JSRP1: variants seen among roughly 807,000 people sequenced by gnomAD.
The protein encoded by JSRP1 is 2310032K21Rik.
In JSRP1, 29 loss-of-function variants were observed where a neutral mutation model predicts 21.4. That is an observed-to-expected ratio of 1.36 (90% CI 1.01 to 1.85). The LOEUF is 1.85. Ranked by LOEUF, JSRP1 falls within the 40% of genes most tolerant of loss-of-function variation. The pLI is 0.00. For synonymous variants in JSRP1, 221 were observed against 206.1 expected (o/e 1.07, Z -0.62); for missense variants, 531 against 461.5 (o/e 1.15, Z -1.38).
At chr19:2,253,066 C>G in intron 5 of JSRP1, 63 bp from the exon 6 acceptor site, 1 of 1,161,522 alleles carries the variant, frequency 8.6e-7, no homozygotes, top group Non-Finnish European at 1.3e-6. Context: ...CTGTCCATCC[C>G]TCCCTCACCC....
Position 2,252,746 on chromosome 19 carries a change from G to C in JSRP1, c.579C>G (p.Ala193=). Reference sequence around the variant, plus strand: ...GAATCTTGGGTCTGACCTCTGCCTCGGCCCGGGGCGCAGGCGGCGCTGATG... The same window carrying C: ...GAATCTTGGGTCTGACCTCTGCCTCCGCCCGGGGCGCAGGCGGCGCTGATG... The part of the protein sequence containing the change: ...APPSAPPAPR[A]EAEVRPKIPG... Residue 193 remains alanine (A), a synonymous_variant, in exon 7 of 7, where the codon GCC becomes GCG. Transcript: ENST00000300961. The C allele has an allele frequency of 6.2e-7, 1 of 1,612,522 alleles. No homozygotes were observed.
rs530846883 is a variant in JSRP1, at chr19:2,254,285, T to A, written c.164A>T (p.Glu55Val). The change falls in exon 4 of 7, where the codon GAA becomes GTA. Residue 55 changes from glutamate to valine, a missense_variant. Glu to Val is a moderately radical substitution (Grantham distance 121). Transcript: ENST00000300961. ...GSVPHDSQVA[E>V]GPSVDTRPKK... ...GGGCCTGGTGTCCACACTGGGGCCT[T>A]CAGCCACCTGAGAGTCCTGTGGTTA... is the stretch of plus-strand genomic sequence containing the variant. 6.2e-7 allele frequency: 1 copy of A among 1,600,936 alleles called. No homozygotes were observed. The highest frequency in any genetic ancestry group is 1.7e-5 in the Admixed American group (1 of 58,770).
Position 2,252,737 on chromosome 19 carries a change from C to T in JSRP1, c.588G>A (p.Glu196=). 1 of 1,612,652 alleles carries T rather than the reference C, an allele frequency of 6.2e-7. No homozygotes were observed. Among genetic ancestry groups the T allele is most frequent in the Middle Eastern group, 1.7e-4 (1 of 6,054 alleles). The change falls in exon 7 of 7, where the codon GAG becomes GAA. Residue 196 remains glutamate (E), a synonymous_variant. Transcript: ENST00000300961. The part of the protein sequence containing the change: ...SAPPAPRAEA[E]VRPKIPGSRE... Reference sequence around the variant, plus strand: ...GACTCCCGGGAATCTTGGGTCTGACCTCTGCCTCGGCCCGGGGCGCAGGCG... The same window carrying T: ...GACTCCCGGGAATCTTGGGTCTGACTTCTGCCTCGGCCCGGGGCGCAGGCG...
chr19:2,255,660 G>T (rs79256406), intron 1 of JSRP1, among the ~76,000 whole-genome samples: 130 of 152,338 alleles, frequency 8.5e-4, no homozygotes, highest in Admixed American at 2.2e-3. Context: ...AGTCCCAGAC[G>T]CACCCCAAAC....
At position 2,252,973 on chromosome 19, in the gene JSRP1, G is replaced by T; in HGVS notation, c.467C>A (p.Ala156Glu). The change falls in exon 6 of 7, where the codon GCA becomes GAA. Residue 156 changes from alanine to glutamate, a missense_variant. Ala to Glu is a moderately radical substitution (Grantham distance 107, BLOSUM62 -1). Transcript: ENST00000300961. Reference sequence around the variant, plus strand: ...CGGGACCCAGGGCTCGGGCACACGTGCTTGGAGTGCTGCCTCCCCAGGGAC... The same window carrying T: ...CGGGACCCAGGGCTCGGGCACACGTTCTTGGAGTGCTGCCTCCCCAGGGAC... ...DAVPGEAALQ[A>E]RVPEPWVPPS... 1.2e-6 allele frequency: 2 copies of T among 1,607,768 alleles called. No individual in the cohort carries two copies. Among genetic ancestry groups the T allele is most frequent in the Non-Finnish European group, 1.7e-6 (2 of 1,177,674 alleles).
At chr19:2,254,116 A>C in intron 4 of JSRP1, 71 bp downstream of exon 4, 1 of 1,215,654 alleles carries the variant, frequency 8.2e-7, no homozygotes, top group Non-Finnish European at 1.2e-6. Flanking sequence ...CCAAGGACCC[A>C]GCTCCGGCAC....
chr19:2,253,534 C>T, intron 5 of JSRP1, 86 bp downstream of exon 5: 6 of 1,308,640 alleles, frequency 4.6e-6, no homozygotes, highest in South Asian at 1.8e-5. Context: ...CCAGACCCCA[C>T]CCTGGCGGCA....
chr19:2,252,301 G>A lies in JSRP1; in HGVS notation c.*28C>T. On this transcript the variant is annotated 3_prime_UTR_variant, in exon 7 of 7. Coordinates refer to ENST00000300961, the MANE Select transcript of JSRP1 (RefSeq NM_144616.4). ...CCAGAGTCGCGGGGCGTCCAGAAGG[G>A]GCCCCTGGACTCCGGCGCGGGGCCG... 3.5e-6 allele frequency: 5 copies of A among 1,433,078 alleles called. No individual in the cohort carries two copies. The highest frequency in any genetic ancestry group is 1.5e-5 in the South Asian group (1 of 68,182). 88.8% of individuals were successfully genotyped at this position (1,433,078 alleles called of 1,614,324 possible).
chr19:2,255,420 C>T lies in JSRP1; in HGVS notation c.-30-76G>A, dbSNP rs559665618. ...GCCTGGGCCTGACCTGGAGGTTCTGCGGACACCAACTAACAGGCCCCGTCC... is the reference window on the plus strand; with the variant it reads ...GCCTGGGCCTGACCTGGAGGTTCTGTGGACACCAACTAACAGGCCCCGTCC... On this transcript the variant is annotated intron_variant, in intron 1 of 6. Transcript: ENST00000300961. The T allele has an allele frequency of 1.4e-4, 85 of 601,686 alleles. 1 individual carries two copies. In the South Asian group the frequency reaches 1.5e-3, roughly 11 times the overall value. The allele number at this position is 601,686 out of a possible 1,614,324, so 37.3% of individuals were successfully genotyped here.
intron 6 of JSRP1, 46 bp from the exon 7 acceptor site, chr19:2,252,842 C>G (rs761302912): frequency 1.9e-6 from 3 of 1,594,122 alleles, no homozygotes; most frequent in South Asian, 1.1e-5. Flanking sequence ...ACCTTCCCCC[C>G]GGCCCGGGCT....
Position 2,252,543 on chromosome 19 carries a change from G to A in JSRP1, c.782C>T (p.Pro261Leu), listed in dbSNP as rs1258559816. ...GGCCCGTGGCCTCTCCTCTTTCCGC[G>A]GCCTCTCTTTCTTAGGTCTCTCCTC... ...RKEERPKKER[P>L]RKEERPRAAR... Residue 261 changes from proline to leucine, a missense_variant, in exon 7 of 7, where the codon CCG becomes CTG. Pro to Leu is a moderately conservative substitution (Grantham distance 98). Coordinates refer to ENST00000300961, the MANE Select transcript of JSRP1 (RefSeq NM_144616.4). The A allele has an allele frequency of 1.2e-6, 2 of 1,612,652 alleles. No homozygotes were observed. The highest frequency in any genetic ancestry group is 1.7e-6 in the Non-Finnish European group (2 of 1,179,876).
Position 2,252,295 on chromosome 19 carries a change from A to C in JSRP1, c.*34T>G. ...ATTTCGCCAGAGTCGCGGGGCGTCC[A>C]GAAGGGGCCCCTGGACTCCGGCGCG... On this transcript the variant is annotated 3_prime_UTR_variant, in exon 7 of 7. Transcript: ENST00000300961. The C allele has an allele frequency of 7.0e-7, 1 of 1,429,992 alleles. No homozygotes were observed. The highest frequency in any genetic ancestry group is 9.1e-7 in the Non-Finnish European group (1 of 1,093,134). The allele number at this position is 1,429,992 out of a possible 1,614,324, so 88.6% of individuals were successfully genotyped here.
At chr19:2,254,581 T>C (rs1340434601) in intron 2 of JSRP1, 99 bp from the exon 3 acceptor site, 7 of 1,331,656 alleles carry the variant, frequency 5.3e-6, no homozygotes, top group Non-Finnish European at 7.4e-6. Flanking sequence ...ACTAACCCCA[T>C]CTTATAGATA....
Position 2,253,513 on chromosome 19 carries a change from A to C in JSRP1, c.436+107T>G, listed in dbSNP as rs1165851696. On this transcript the variant is annotated intron_variant, in intron 5 of 6. Coordinates refer to ENST00000300961, the MANE Select transcript of JSRP1 (RefSeq NM_144616.4). ...GGGGGCGTGCAAGACCCAGCCCTGG[A>C]GAGGAGGCTCCCAGACCCCACCCTG... 6 of 1,138,362 alleles carry C rather than the reference A, an allele frequency of 5.3e-6. No homozygotes were observed. The African/African-American group carries it at 6.6e-5, about 12-fold the overall frequency. 70.5% of individuals were successfully genotyped at this position (1,138,362 alleles called of 1,614,324 possible).
At chr19:2,254,067 A>G (rs1340010050) in intron 4 of JSRP1, 120 bp downstream of exon 4, 9 of 810,338 alleles carry the variant, frequency 1.1e-5, no homozygotes, top group Non-Finnish European at 1.8e-5. Context: ...TGCCTGCCAC[A>G]CTTCGACGCC....
At chr19:2,254,600 G>A (rs2025121368) in intron 2 of JSRP1, 118 bp from the exon 3 acceptor site, 2 of 1,125,234 alleles carry the variant, frequency 1.8e-6, no homozygotes, top group Non-Finnish European at 2.6e-6. Context: ...TAAGAAAGTA[G>A]GTGGAGGCCA....
At chr19:2,253,575 A>C in intron 5 of JSRP1, 45 bp downstream of exon 5, 1 of 1,394,606 alleles carries the variant, frequency 7.2e-7, no homozygotes, top group Non-Finnish European at 9.3e-7. Context: ...ATAGGCGCAC[A>C]GGTGGACCCC....
At position 2,255,311 on chromosome 19, in the gene JSRP1, A is replaced by T. The variant is rs759944789; in HGVS notation, c.4T>A (p.Ser2Thr). 3.7e-6 allele frequency: 6 copies of T among 1,606,044 alleles called. No homozygotes were observed. The highest frequency in any genetic ancestry group is 5.1e-6 in the Non-Finnish European group (6 of 1,175,966). The change falls in exon 2 of 7, where the codon TCC becomes ACC. Residue 2 changes from serine (S) to threonine (T), a missense_variant. Transcript: ENST00000300961. ...TCCTCCCAGGCTCTGGTTGTCATGG[A>T]CATGGCTGGAGCAGCAGCAGGTCCC... MSMTTRAWEELD... is the reference protein window; with the variant it reads MTMTTRAWEELD...
In JSRP1 at chr19:2,253,731, G is replaced by A. The variant is rs771749091; in HGVS notation, c.325C>T (p.Pro109Ser). ...QTAPPLQPPP[P>S]PPALSEELPW... is the part of the protein sequence containing the mutation. ...AGCTCCTCGCTCAGGGCCGGGGGCG[G>A]CGGCGGCGGCTGCAGGGGCGGCGCG... is the stretch of plus-strand genomic sequence containing the variant. The change falls in exon 5 of 7, where the codon CCG becomes TCG. Residue 109 changes from proline (P) to serine (S), a missense_variant. Pro to Ser is a moderately conservative substitution (Grantham distance 74). Transcript: ENST00000300961. The A allele has an allele frequency of 4.2e-5, 63 of 1,488,462 alleles. No homozygotes were observed. Among genetic ancestry groups the A allele is most frequent in the Admixed American group, 3.0e-4 (13 of 43,848 alleles). The allele number at this position is 1,488,462 out of a possible 1,614,324, so 92.2% of individuals were successfully genotyped here. A position where few individuals can be genotyped will look rare whatever the true frequency, so the allele number is the denominator to read the frequency against.
Sources: gnomAD v4.1 joint callset for allele counts (sites outside exome capture counted in the v4.1 genomes callset) on GRCh38, gnomAD v4.1.1 for gene constraint, MANE v1.5 for transcripts, NCBI Gene and HGNC (gene_info 2026-07-23, HGNC 2026-07-21) for gene names.